SUGP1: variants seen among roughly 807,000 people sequenced by gnomAD.
SUGP1 encodes the protein SURP and G-patch domain containing 1.
A neutral mutation model predicts 76.5 loss-of-function variants in SUGP1; 34 were observed. The observed-to-expected ratio is 0.44, with a 90% confidence interval of 0.34 to 0.59. The LOEUF (loss-of-function observed/expected upper bound fraction) is 0.59, where lower values mean the gene tolerates loss of function less well. SUGP1 is among the 20% of genes least tolerant of loss of function. The pLI, the probability that SUGP1 is intolerant of heterozygous loss-of-function variation, is 0.01. For missense variants in SUGP1, 752 were observed against 851.7 expected (o/e 0.88, Z 1.46); for synonymous variants, 326 against 326.2 (o/e 1.00, Z 0.01).
chr19:19,281,466 T>C (rs1395613730), intron 8 of SUGP1: 1 of 152,096 alleles, frequency 6.6e-6, no homozygotes, highest in Non-Finnish European at 1.5e-5. Context: ...GAATCTTCAT[T>C]CAGTAGCTTT....
At chr19:19,305,676 C>A in intron 4 of SUGP1, 173 bp downstream of exon 4, 1 of 594,614 alleles carries the variant, frequency 1.7e-6, no homozygotes, top group Non-Finnish European at 2.9e-6. Flanking sequence ...CCGCCCCTCA[C>A]CCTCCTTTGC....
chr19:19,294,797 A>C (rs1041214601), intron 8 of SUGP1, among the ~76,000 whole-genome samples: 1 of 146,102 alleles, frequency 6.8e-6, no homozygotes, highest in Non-Finnish European at 1.5e-5. Flanking sequence ...CCTTCAGTTC[A>C]AAAAAAAAAA....
chr19:19,283,335 C>T (rs768367564), intron 8 of SUGP1, among the ~76,000 whole-genome samples: 14 of 152,032 alleles, frequency 9.2e-5, no homozygotes, highest in Non-Finnish European at 1.0e-4. Flanking sequence ...GGTGCAATCT[C>T]GGCTCACTGC....
chr19:19,318,110 C>CTT (rs1555791506), intron 1 of SUGP1, among the ~76,000 whole-genome samples: 1 of 107,092 alleles, frequency 9.3e-6, no homozygotes, highest in Admixed American at 9.3e-5. Flanking sequence ...CGAACCCAGC[C>CTT]TTCTTTTTTT....
At chr19:19,289,884 C>T (rs1568622712) in intron 8 of SUGP1, among the ~76,000 whole-genome samples, 1 of 152,170 alleles carries the variant, frequency 6.6e-6, no homozygotes, top group Non-Finnish European at 1.5e-5. Context: ...ACGCCCCTTC[C>T]CCCATACGTC....
In SUGP1 at chr19:19,305,810, G is replaced by GATC. The variant is rs200295133; in HGVS notation, c.538+38_538+39insGAT. 6.5e-3 allele frequency: 10,087 copies of GATC among 1,561,136 alleles called. 576 individuals are homozygous for GATC. In the African/African-American group the frequency reaches 0.12, roughly 19 times the overall value. ...CACAGATCCCACCTGCTAGAGCACGGGCACTGGTGGTGGGGGAGCAGCAGC... is the reference window on the plus strand; with the variant it reads ...CACAGATCCCACCTGCTAGAGCACGGATCGCACTGGTGGTGGGGGAGCAGCAGC... On this transcript the variant is annotated intron_variant, in intron 4 of 13. Coordinates refer to ENST00000247001, the MANE Select transcript of SUGP1 (RefSeq NM_172231.4).
chr19:19,290,319 T>C (rs1428287379), intron 8 of SUGP1, among the ~76,000 whole-genome samples: 1 of 152,180 alleles, frequency 6.6e-6, no homozygotes, highest in Non-Finnish European at 1.5e-5. Flanking sequence ...GCTTGTGTTA[T>C]TATTTTTAAT....
At chr19:19,315,432 T>C (rs193212826) in intron 2 of SUGP1, among the ~76,000 whole-genome samples, 1 of 152,218 alleles carries the variant, frequency 6.6e-6, no homozygotes, top group African/African-American at 2.4e-5. Flanking sequence ...TCTCAGATTA[T>C]CAATCTCCAG....
chr19:19,300,749 G>A (rs2061265622), intron 7 of SUGP1, among the ~76,000 whole-genome samples: 2 of 152,242 alleles, frequency 1.3e-5, no homozygotes, highest in Non-Finnish European at 2.9e-5. Flanking sequence ...CCCACCCCAG[G>A]CGACCTCAAC....
intron 7 of SUGP1, chr19:19,301,898 A>C (rs2061274927): frequency 4.9e-6 from 1 of 203,676 alleles, no homozygotes; most frequent in Non-Finnish European, 9.9e-6. Flanking sequence ...GAGAACGTAC[A>C]CAACATAAAC....
intron 4 of SUGP1, among the ~76,000 whole-genome samples, chr19:19,304,408 A>G (rs1264244783): frequency 6.6e-6 from 1 of 151,980 alleles, no homozygotes; most frequent in Non-Finnish European, 1.5e-5. Flanking sequence ...CTCCAAGATC[A>G]TCTCATACAC....
chr19:19,283,165 T>C lies in SUGP1; in HGVS notation c.1244-2874A>G, dbSNP rs142099641. 2.7e-3 allele frequency among the ~76,000 whole-genome samples: 408 copies of C among 152,270 alleles called. 4 individuals are homozygous for C. The highest frequency in any genetic ancestry group is 9.2e-3 in the African/African-American group (383 of 41,540). ...TTATCACTTACTACCATAAAACATATACACATTGCAGAAAGTTAAACTTTA... is the reference window on the plus strand; with the variant it reads ...TTATCACTTACTACCATAAAACATACACACATTGCAGAAAGTTAAACTTTA... On this transcript the variant is annotated intron_variant, in intron 8 of 13. Coordinates refer to ENST00000247001, the MANE Select transcript of SUGP1 (RefSeq NM_172231.4).
At chr19:19,310,275 G>A (rs2061344553) in intron 2 of SUGP1, 75 bp from the exon 3 acceptor site, 5 of 1,152,852 alleles carry the variant, frequency 4.3e-6, no homozygotes, top group South Asian at 3.7e-5. Context: ...CGAGGATGAG[G>A]ATGAGGCCAT....
intron 1 of SUGP1, among the ~76,000 whole-genome samples, chr19:19,319,808 C>A (rs1293300538): frequency 6.6e-6 from 1 of 151,438 alleles, no homozygotes; most frequent in Non-Finnish European, 1.5e-5. Context: ...CGTAACCTCA[C>A]ATCATACGTA....
intron 3 of SUGP1, among the ~76,000 whole-genome samples, chr19:19,309,259 T>C (rs1178878737): frequency 1.3e-5 from 2 of 151,812 alleles, no homozygotes; most frequent in Non-Finnish European, 2.9e-5. Flanking sequence ...CTGAGACAGG[T>C]GGATTGCTTG....
intron 1 of SUGP1, among the ~76,000 whole-genome samples, chr19:19,319,455 A>G (rs748647484): frequency 6.6e-6 from 1 of 151,790 alleles, no homozygotes; most frequent in Non-Finnish European, 1.5e-5. Context: ...TCCCTGGGCC[A>G]GGTGTGGTGG....
At chr19:19,295,274 A>C (rs1830355530) in intron 8 of SUGP1, among the ~76,000 whole-genome samples, 1 of 151,982 alleles carries the variant, frequency 6.6e-6, no homozygotes, top group East Asian at 1.9e-4. Flanking sequence ...CTGTAGTCCC[A>C]GATACTCAGG....
rs576860448 is a variant in SUGP1 at position 19,298,733 on chromosome 19, T to C, written c.888-1389A>G. 5.3e-5 allele frequency among the ~76,000 whole-genome samples: 8 copies of C among 152,302 alleles called. No homozygotes were observed. The South Asian group carries it at 1.7e-3, about 32-fold the overall frequency. Reference sequence around the variant, plus strand: ...ACTGTTCAGGAGAGAAGGGAACAGTTGGTCAGATTTGGAAAAGACACTTGA... The same window carrying C: ...ACTGTTCAGGAGAGAAGGGAACAGTCGGTCAGATTTGGAAAAGACACTTGA... On this transcript the variant is annotated intron_variant, in intron 7 of 13. Coordinates refer to ENST00000247001, the MANE Select transcript of SUGP1 (RefSeq NM_172231.4).
In SUGP1 at chr19:19,297,080, C is replaced by T. The variant is rs778539130; in HGVS notation, c.1152G>A (p.Lys384=). 1 of 1,613,840 alleles carries T rather than the reference C, an allele frequency of 6.2e-7. No homozygotes were observed. Reference sequence around the variant, plus strand: ...TATCCTCTTCAGGCCCCCACCGGCTCTTCCGCTTCCTCTTCACGGTGGCTG... The same window carrying T: ...TATCCTCTTCAGGCCCCCACCGGCTTTTCCGCTTCCTCTTCACGGTGGCTG... ...ASAATVKRKR[K]SRWGPEEDKV... is the part of the protein sequence containing the mutation. Residue 384 remains lysine (K), a synonymous_variant, in exon 8 of 14, where the codon AAG becomes AAA. Coordinates refer to ENST00000247001, the MANE Select transcript of SUGP1 (RefSeq NM_172231.4).
Sources: allele counts gnomAD v4.1 joint callset (sites outside exome capture counted in the v4.1 genomes callset), GRCh38; gene constraint gnomAD v4.1.1; transcripts MANE v1.5; gene names NCBI Gene and HGNC (gene_info 2026-07-23, HGNC 2026-07-21).